CRPPA: variants seen among roughly 807,000 people sequenced by gnomAD.
CRPPA encodes the protein CDP-L-ribitol pyrophosphorylase A.
Under a neutral mutation model 52.0 loss-of-function variants are expected in CRPPA, and 43 were observed. That is an observed-to-expected ratio of 0.83 (90% CI 0.65 to 1.07). CRPPA has a LOEUF of 1.07. Among genes scored for constraint, CRPPA ranks in the 50% least tolerant of loss-of-function variants. The pLI is 0.00. For synonymous variants in CRPPA, 250 were observed against 203.5 expected (o/e 1.23, Z -1.94); for missense variants, 629 against 551.7 (o/e 1.14, Z -1.40).
intron 9 of CRPPA, among the ~76,000 whole-genome samples, chr7:16,163,261 A>C (rs998526406): frequency 2.3e-4 from 35 of 151,894 alleles, no homozygotes; most frequent in African/African-American, 8.4e-4. Context: ...GGTGGGAGCC[A>C]CTGCACCTGG....
intron 2 of CRPPA, among the ~76,000 whole-genome samples, chr7:16,399,544 A>G (rs1034840893): frequency 5.9e-5 from 9 of 151,504 alleles, no homozygotes; most frequent in African/African-American, 2.2e-4. Context: ...CTGACACGAG[A>G]TTGACATGAA....
chr7:16,282,340 C>G (rs1013985395), intron 5 of CRPPA, among the ~76,000 whole-genome samples: 2 of 152,110 alleles, frequency 1.3e-5, no homozygotes, highest in South Asian at 2.1e-4. Flanking sequence ...TTTCTTATTT[C>G]CTCTATGGAT....
At chr7:16,263,756 T>TA (rs59366655) in intron 6 of CRPPA, among the ~76,000 whole-genome samples, 39,558 of 138,562 alleles carry the variant, frequency 0.29, 5,721 homozygotes, top group Admixed American at 0.39. Context: ...CATTTCAAAA[T>TA]AAAAAAAAAA....
chr7:16,328,566 G>C (rs533273827), intron 3 of CRPPA, among the ~76,000 whole-genome samples: 67 of 152,178 alleles, frequency 4.4e-4, no homozygotes, highest in African/African-American at 1.5e-3. Context: ...CCAGGCAGGA[G>C]TGCAGTGGTG....
intron 3 of CRPPA, among the ~76,000 whole-genome samples, chr7:16,356,442 T>A (rs1288814573): frequency 2.0e-5 from 3 of 152,214 alleles, no homozygotes; most frequent in Admixed American, 2.0e-4. Flanking sequence ...CTGGTTTTCC[T>A]CTTTTTAAAC....
chr7:16,183,473 C>T (rs1001046736), intron 9 of CRPPA, among the ~76,000 whole-genome samples: 4 of 152,160 alleles, frequency 2.6e-5, no homozygotes, highest in South Asian at 2.1e-4. Context: ...ATGGACTGAA[C>T]AGTCTCAGGC....
At chr7:16,366,261 G>A (rs1786585939) in intron 3 of CRPPA, among the ~76,000 whole-genome samples, 2 of 152,114 alleles carry the variant, frequency 1.3e-5, no homozygotes, top group Non-Finnish European at 2.9e-5. Context: ...TCACCTTGGT[G>A]GTTAGGTTTC....
intron 5 of CRPPA, among the ~76,000 whole-genome samples, chr7:16,286,045 ATATATATATATATATATAT>A (rs1784430442): frequency 1.2e-3 from 9 of 7,640 alleles, no homozygotes; most frequent in East Asian, 2.9e-3. Context: ...AAAAATATAA[ATATATATATATATATATAT>A]ATATATATAT....
At chr7:16,401,039 G>C (rs1420547632) in intron 2 of CRPPA, among the ~76,000 whole-genome samples, 2 of 152,124 alleles carry the variant, frequency 1.3e-5, no homozygotes, top group African/African-American at 4.8e-5. Context: ...CATGATAGAG[G>C]CATGACTAAT....
At chr7:16,380,759 T>C (rs1321382096) in intron 2 of CRPPA, among the ~76,000 whole-genome samples, 2 of 152,238 alleles carry the variant, frequency 1.3e-5, no homozygotes, top group South Asian at 2.1e-4. Flanking sequence ...TTCTTCTAGA[T>C]TTTCTAGTTT....
At chr7:16,173,082 A>G (rs1263567716) in intron 9 of CRPPA, among the ~76,000 whole-genome samples, 2 of 152,228 alleles carry the variant, frequency 1.3e-5, no homozygotes, top group African/African-American at 2.4e-5. Flanking sequence ...GACCTGCTCC[A>G]GTGATTATCA....
Position 16,088,915 on chromosome 7 carries a change from T to C in CRPPA, c.*2780A>G, listed in dbSNP as rs1781755827. ...GTTCATTCAGTGCCTCTGGCTTATA[T>C]ATCACGTCTTATATATCAGACGTGG... On this transcript the variant is annotated 3_prime_UTR_variant, in exon 10 of 10. Transcript: ENST00000407010. The C allele has an allele frequency of 5.2e-6, 1 of 192,502 alleles. No individual in the cohort carries two copies. The highest frequency in any genetic ancestry group is 1.1e-5 in the Non-Finnish European group (1 of 89,804). The allele number at this position is 192,502 out of a possible 1,614,324, so 11.9% of individuals were successfully genotyped here. A position where few individuals can be genotyped will look rare whatever the true frequency, so the allele number is the denominator to read the frequency against.
intron 8 of CRPPA, chr7:16,247,942 A>G (rs1229794119): frequency 6.6e-6 from 1 of 152,126 alleles, no homozygotes; most frequent in Non-Finnish European, 1.5e-5. Context: ...GACACACGAG[A>G]TGGAACTCAA....
intron 5 of CRPPA, among the ~76,000 whole-genome samples, chr7:16,286,018 C>G (rs1489116443): frequency 8.6e-5 from 2 of 23,188 alleles, no homozygotes; most frequent in East Asian, 3.0e-3. Context: ...GAAACTCCAT[C>G]TCAAAAAAAA....
At chr7:16,304,995 A>C (rs1447369962) in intron 4 of CRPPA, among the ~76,000 whole-genome samples, 1 of 152,238 alleles carries the variant, frequency 6.6e-6, no homozygotes, top group African/African-American at 2.4e-5. Flanking sequence ...CTTTTCAGAT[A>C]CATTTTTTTT....
At chr7:16,334,198 T>A (rs116552393) in intron 3 of CRPPA, among the ~76,000 whole-genome samples, 138 of 152,218 alleles carry the variant, frequency 9.1e-4, no homozygotes, top group African/African-American at 3.2e-3. Context: ...CTGAAATCCT[T>A]AGGCAGCTTC....
At position 16,091,456 on chromosome 7, in the gene CRPPA, C is replaced by T. The variant is rs574868063; in HGVS notation, c.*239G>A. ...AGATTCATTTGAAGGCTATTATTTT[C>T]CACTTATCTACTATTTTTTTCTGGT... On this transcript the variant is annotated 3_prime_UTR_variant, in exon 10 of 10. Transcript: ENST00000407010. The T allele has an allele frequency of 9.7e-5, 35 of 361,612 alleles. No homozygotes were observed. In the East Asian group the frequency reaches 1.8e-3, roughly 19 times the overall value. The allele number at this position is 361,612 out of a possible 1,614,324, so 22.4% of individuals were successfully genotyped here.
intron 3 of CRPPA, among the ~76,000 whole-genome samples, chr7:16,357,940 C>A (rs1322956144): frequency 1.3e-5 from 2 of 152,180 alleles, no homozygotes; most frequent in Non-Finnish European, 2.9e-5. Flanking sequence ...AAATGCCTGG[C>A]AACCTGGGAG....
chr7:16,248,036 A>G (rs1783327263), intron 8 of CRPPA: 1 of 152,108 alleles, frequency 6.6e-6, no homozygotes, highest in African/African-American at 2.4e-5. Context: ...AATGAACAGA[A>G]GAACTAACAG....
Sources: allele counts gnomAD v4.1 joint callset (sites outside exome capture counted in the v4.1 genomes callset), GRCh38; gene constraint gnomAD v4.1.1; transcripts MANE v1.5; gene names NCBI Gene and HGNC (gene_info 2026-07-23, HGNC 2026-07-21).